Variants in KIF1B observed in about 807,000 individuals in gnomAD.
KIF1B encodes kinesin-like protein KIF1B.
In KIF1B, 76 loss-of-function variants were observed where a neutral mutation model predicts 241.9. That is an observed-to-expected ratio of 0.31 (90% CI 0.26 to 0.38). KIF1B has a LOEUF of 0.38. Among genes scored for constraint, KIF1B ranks in the 10% least tolerant of loss-of-function variants. The probability of loss-of-function intolerance (pLI) is 1.00; values close to 1 mark genes in which losing one functional copy is unlikely to be tolerated. For synonymous variants in KIF1B, 750 were observed against 796.7 expected, an observed-to-expected ratio of 0.94 and a Z score of 0.99; for missense variants, 1,622 against 2,271.4, an observed-to-expected ratio of 0.71 and a Z score of 5.81.
Position 10,306,715 on chromosome 1 carries a change from C to T in KIF1B, c.2115+9469C>T, listed in dbSNP as rs1240726659. ...GTAATGGGATCTTGCCTATGAATAGCCAGTGCACTGCAGCCAGGACAACAG... is the reference window on the plus strand; with the variant it reads ...GTAATGGGATCTTGCCTATGAATAGTCAGTGCACTGCAGCCAGGACAACAG... On this transcript the variant is annotated intron_variant, in intron 22 of 48. Transcript: ENST00000676179. 11 of 879,778 alleles carry T rather than the reference C, an allele frequency of 1.3e-5. No homozygotes were observed. In the South Asian group the frequency reaches 4.3e-4, roughly 35 times the overall value. The allele number at this position is 879,778 out of a possible 1,614,324, so 54.5% of individuals were successfully genotyped here.
At chr1:10,290,021 T>A (rs1384477098) in intron 15 of KIF1B, among the ~76,000 whole-genome samples, 3 of 152,196 alleles carry the variant, frequency 2.0e-5, no homozygotes, top group African/African-American at 7.2e-5. Context: ...TGATATGTAA[T>A]GGGGTTGTAT....
chr1:10,226,624 T>C (rs1646911956), intron 1 of KIF1B, among the ~76,000 whole-genome samples: 1 of 152,200 alleles, frequency 6.6e-6, no homozygotes, highest in African/African-American at 2.4e-5. Context: ...AACAAATTCC[T>C]TAATATCATC....
intron 38 of KIF1B, among the ~76,000 whole-genome samples, chr1:10,358,008 TC>T (rs1055511748): frequency 4.7e-5 from 7 of 150,006 alleles, no homozygotes; most frequent in Non-Finnish European, 7.4e-5. Context: ...AGACTCTGTC[TC>T]AGAAAAATAA....
rs1345626148 is a variant in KIF1B at position 10,324,804 on chromosome 1, A to G, written c.2584A>G (p.Met862Val). 1 of 1,613,950 alleles carries G rather than the reference A, an allele frequency of 6.2e-7. No individual in the cohort carries two copies. Among genetic ancestry groups the G allele is most frequent in the African/African-American group, 1.3e-5 (1 of 75,042 alleles). ...AGAGATGTATGATAGGGCAGGGGAG[A>G]TGGCCTCCAGTGCCCAAGACGAAAG... is the stretch of plus-strand genomic sequence containing the variant. ...MREMYDRAGE[M>V]ASSAQDESET... The change falls in exon 26 of 49, where the codon ATG (methionine) becomes GTG (valine). Residue 862 changes from methionine to valine, a missense_variant. Physicochemically the swap from Met to Val is conservative, Grantham distance 21. Around this residue, in one of 7 missense-constraint regions of KIF1B, gnomAD observed 803 missense variants for 1,112.0 expected, o/e 0.72. Coordinates refer to ENST00000676179, the MANE Select transcript of KIF1B (RefSeq NM_001365951.3).
chr1:10,327,520 T>A (rs1184424288), intron 27 of KIF1B, among the ~76,000 whole-genome samples: 29 of 140,494 alleles, frequency 2.1e-4, no homozygotes, highest in East Asian at 4.0e-4. Context: ...AAAAAAAAAA[T>A]GAATATTTGT....
At position 10,229,915 on chromosome 1, in the gene KIF1B, A is replaced by G. The variant is rs560218793; in HGVS notation, c.-79-2335A>G. 3.4e-5 allele frequency among the ~76,000 whole-genome samples: 5 copies of G among 147,282 alleles called. No homozygotes were observed. The South Asian group carries it at 1.1e-3, about 32-fold the overall frequency. On this transcript the variant is annotated intron_variant, in intron 1 of 48. Transcript: ENST00000676179. ...AAAAAAGAAAAGAAAATTAGGGGCC[A>G]GACGTGGTGGCTCACACCTATAATC...
chr1:10,227,211 CT>C (rs1244932047), intron 1 of KIF1B, among the ~76,000 whole-genome samples: 1 of 151,660 alleles, frequency 6.6e-6, no homozygotes, highest in East Asian at 2.0e-4. Context: ...AATTTTTGTG[CT>C]TTAGTAGAGA....
At chr1:10,301,168 C>G (rs1650523814) in intron 22 of KIF1B, among the ~76,000 whole-genome samples, 1 of 151,996 alleles carries the variant, frequency 6.6e-6, no homozygotes, top group Admixed American at 6.6e-5. Context: ...AACAAAGAAA[C>G]AAACAAAAAC....
chr1:10,255,435 A>C (rs139104990), intron 2 of KIF1B, among the ~76,000 whole-genome samples: 2,850 of 151,998 alleles, frequency 0.019, 40 homozygotes, highest in Non-Finnish European at 0.028. Context: ...ACTAAAAATA[A>C]AAAAATTAGC....
At chr1:10,223,038 G>A (rs1646865084) in intron 1 of KIF1B, among the ~76,000 whole-genome samples, 2 of 152,182 alleles carry the variant, frequency 1.3e-5, no homozygotes, top group South Asian at 4.1e-4. Flanking sequence ...CGGGTCACGA[G>A]GTCAGGAGTT....
chr1:10,272,158 T>A (rs1648836766), intron 8 of KIF1B, 83 bp from the exon 9 acceptor site: 3 of 912,120 alleles, frequency 3.3e-6, no homozygotes, highest in Non-Finnish European at 5.5e-6. Flanking sequence ...TGCTAGCATA[T>A]GGCAAATCAT....
chr1:10,231,383 T>TC (rs1013683911), intron 1 of KIF1B, among the ~76,000 whole-genome samples: 1 of 143,010 alleles, frequency 7.0e-6, no homozygotes, highest in African/African-American at 2.6e-5. Context: ...GTGCCCTTTT[T>TC]TTTTTTTTTT....
rs1044953663 is a variant in KIF1B at position 10,305,802 on chromosome 1, G to A, written c.2115+8556G>A. 7 of 1,053,980 alleles carry A rather than the reference G, an allele frequency of 6.6e-6. No homozygotes were observed. The African/African-American group carries it at 1.2e-4, about 17-fold the overall frequency. 65.3% of individuals were successfully genotyped at this position (1,053,980 alleles called of 1,614,324 possible). ...CACTAAGAAAGATGGATTTTAATGG[G>A]AAGAAAAGAATTATTTTCTACATCG... On this transcript the variant is annotated intron_variant, in intron 22 of 48. Coordinates refer to ENST00000676179, the MANE Select transcript of KIF1B (RefSeq NM_001365951.3).
Position 10,376,827 on chromosome 1 carries a change from G to T in KIF1B, c.*240G>T. 1.9e-5 allele frequency: 9 copies of T among 478,930 alleles called. No homozygotes were observed. Among genetic ancestry groups the T allele is most frequent in the Middle Eastern group, 5.9e-4 (1 of 1,698 alleles). The allele number at this position is 478,930 out of a possible 1,614,324, so 29.7% of individuals were successfully genotyped here. On this transcript the variant is annotated 3_prime_UTR_variant, in exon 49 of 49. Coordinates refer to ENST00000676179, the MANE Select transcript of KIF1B (RefSeq NM_001365951.3). Reference sequence around the variant, plus strand: ...ATGTGGCCTAACAAAAGGAAAAAATGTTTTTAAACACACACACACACACAC... The same window carrying T: ...ATGTGGCCTAACAAAAGGAAAAAATTTTTTTAAACACACACACACACACAC...
intron 6 of KIF1B, 24 bp from the exon 7 acceptor site, chr1:10,268,128 G>C: frequency 6.6e-7 from 1 of 1,504,930 alleles, no homozygotes; most frequent in South Asian, 1.1e-5. Flanking sequence ...CCCTTGTCAC[G>C]TGGTCACCTT....
At chr1:10,359,192 G>GAT in intron 38 of KIF1B, among the ~76,000 whole-genome samples, 1 of 152,290 alleles carries the variant, frequency 6.6e-6, no homozygotes, top group East Asian at 1.9e-4. Flanking sequence ...TTAGAGGGAG[G>GAT]ATATGCCAGC....
At chr1:10,254,214 T>A (rs1222336512) in intron 2 of KIF1B, among the ~76,000 whole-genome samples, 1 of 152,244 alleles carries the variant, frequency 6.6e-6, no homozygotes, top group Non-Finnish European at 1.5e-5. Flanking sequence ...ACTGGATTAA[T>A]GACATGATAA....
Position 10,227,547 on chromosome 1 carries a change from T to C in KIF1B, c.-79-4703T>C, listed in dbSNP as rs112181427. Among the ~76,000 whole-genome samples, 859 of 152,262 alleles carry C rather than the reference T, an allele frequency of 5.6e-3. 10 individuals are homozygous for C. Among genetic ancestry groups the C allele is most frequent in the African/African-American group, 0.019 (799 of 41,542 alleles). ...ATTCAGGGTTTGGTTTTTTAAACAG[T>C]TTTCATTTTAAGGGGAGTGGGGCAA... On this transcript the variant is annotated intron_variant, in intron 1 of 48. Coordinates refer to ENST00000676179, the MANE Select transcript of KIF1B (RefSeq NM_001365951.3).
At chr1:10,258,892 T>G (rs1270083620) in intron 4 of KIF1B, among the ~76,000 whole-genome samples, 2 of 152,228 alleles carry the variant, frequency 1.3e-5, no homozygotes, top group Non-Finnish European at 2.9e-5. Flanking sequence ...AGTCAGTGTT[T>G]TGTAATGATT....
Sources: gnomAD v4.1 joint callset for allele counts (sites outside exome capture counted in the v4.1 genomes callset) on GRCh38, gnomAD v4.1.1 for gene constraint, gnomAD v4.1.1 regional missense constraint, MANE v1.5 for transcripts, NCBI Gene and HGNC (gene_info 2026-07-23, HGNC 2026-07-21) for gene names.